Variants in DGKB observed in about 807,000 individuals in gnomAD.
The protein encoded by DGKB is 90 kDa diacylglycerol kinase.
A neutral mutation model predicts 114.3 loss-of-function variants in DGKB; 67 were observed. The observed-to-expected ratio is 0.59, with a 90% CI of 0.48 to 0.72. The LOEUF is 0.72. DGKB is among the 30% of genes least tolerant of loss of function. The probability of loss-of-function intolerance (pLI) is 0.00; values close to 1 mark genes in which losing one functional copy is unlikely to be tolerated. For synonymous variants in DGKB, 398 were observed against 323.1 expected (o/e 1.23, Z -2.49); for missense variants, 907 against 975.2 (o/e 0.93, Z 0.93).
intron 13 of DGKB, among the ~76,000 whole-genome samples, chr7:14,659,033 A>G (rs1190302959): frequency 6.6e-6 from 1 of 151,868 alleles, no homozygotes; most frequent in Non-Finnish European, 1.5e-5. Flanking sequence ...CAAGCCCCAC[A>G]TGCATTAGGT....
chr7:14,908,689 T>G (rs900432738), intron 1 of DGKB, among the ~76,000 whole-genome samples: 4 of 152,162 alleles, frequency 2.6e-5, no homozygotes, highest in Non-Finnish European at 5.9e-5. Context: ...CTTAGAGCTA[T>G]TTTTTATTAA....
At chr7:14,585,531 T>A (rs1278215882) in intron 17 of DGKB, among the ~76,000 whole-genome samples, 2 of 152,196 alleles carry the variant, frequency 1.3e-5, no homozygotes, top group African/African-American at 4.8e-5. Flanking sequence ...ACTGCTGTGT[T>A]AAATACCACT....
intron 2 of DGKB, among the ~76,000 whole-genome samples, chr7:14,807,078 G>A (rs1170762192): frequency 6.6e-6 from 1 of 151,950 alleles, no homozygotes; most frequent in African/African-American, 2.4e-5. Context: ...GAGAGATGAA[G>A]ACAAATTCCT....
chr7:14,280,916 A>G (rs1255730762), intron 23 of DGKB, among the ~76,000 whole-genome samples: 3,827 of 150,814 alleles, frequency 0.025, 171 homozygotes, highest in African/African-American at 0.09. Context: ...ATGCCAAAAT[A>G]GAAAGACCAT....
chr7:14,902,265 A>G lies in DGKB; in HGVS notation c.-188+327T>C, dbSNP rs140722819. ...TTTATGAATTACATTTTGAAAAGACAAGCTGCTATCTCATTGGTAACTTTC... is the reference window on the plus strand; with the variant it reads ...TTTATGAATTACATTTTGAAAAGACGAGCTGCTATCTCATTGGTAACTTTC... On this transcript the variant is annotated intron_variant, in intron 1 of 25. Transcript: ENST00000402815. Among the ~76,000 whole-genome samples the G allele has an allele frequency of 3.9e-5, 6 of 152,328 alleles. No homozygotes were observed. In the East Asian group the frequency reaches 1.2e-3, roughly 29 times the overall value.
At chr7:14,404,920 A>C (rs1823699381) in intron 21 of DGKB, among the ~76,000 whole-genome samples, 1 of 151,834 alleles carries the variant, frequency 6.6e-6, no homozygotes, top group Non-Finnish European at 1.5e-5. Flanking sequence ...GCTTCAGACC[A>C]GTGCTGTGTC....
At chr7:14,517,821 G>A (rs1265281957) in intron 20 of DGKB, among the ~76,000 whole-genome samples, 1 of 152,096 alleles carries the variant, frequency 6.6e-6, no homozygotes, top group East Asian at 1.9e-4. Flanking sequence ...ACAGATGCTG[G>A]CGAGGTTGTG....
At chr7:14,169,978 T>C (rs1256332261) in intron 25 of DGKB, among the ~76,000 whole-genome samples, 3 of 150,970 alleles carry the variant, frequency 2.0e-5, no homozygotes, top group Non-Finnish European at 4.4e-5. Context: ...CTACTAAAAA[T>C]ACAAAATTAG....
chr7:14,758,185 T>C (rs191439363), intron 2 of DGKB, among the ~76,000 whole-genome samples: 3 of 152,192 alleles, frequency 2.0e-5, no homozygotes, highest in East Asian at 1.9e-4. Context: ...TTTTGTTATG[T>C]ATAAATTAAA....
chr7:14,437,706 A>G (rs150236344), intron 21 of DGKB, among the ~76,000 whole-genome samples: 27 of 151,426 alleles, frequency 1.8e-4, no homozygotes, highest in African/African-American at 6.3e-4. Context: ...TTAAAAATAT[A>G]TTTTTTCAAC....
At position 14,223,214 on chromosome 7, in the gene DGKB, TA is replaced by T. The variant is rs1790271967; in HGVS notation, c.2123-45064del. Among the ~76,000 whole-genome samples the T allele has an allele frequency of 2.6e-5, 4 of 151,840 alleles. No homozygotes were observed. In the South Asian group the frequency reaches 8.3e-4, roughly 31 times the overall value. On this transcript the variant is annotated intron_variant, in intron 23 of 25. Transcript: ENST00000402815. ...AAGTCTGATGTCTTTGTTGTAAATCTATTGCTTTCTTTTGCATTTAGTATTT... is the reference window on the plus strand; with the variant it reads ...AAGTCTGATGTCTTTGTTGTAAATCTTTGCTTTCTTTTGCATTTAGTATTT...
chr7:14,845,048 A>C (rs1235962059), intron 1 of DGKB, among the ~76,000 whole-genome samples: 1 of 142,574 alleles, frequency 7.0e-6, no homozygotes, highest in Non-Finnish European at 1.5e-5. Context: ...TAGAGGTTGC[A>C]GTGGGCTTTG....
chr7:14,424,859 T>C (rs1334462546), intron 21 of DGKB, among the ~76,000 whole-genome samples: 1 of 152,094 alleles, frequency 6.6e-6, no homozygotes, highest in Non-Finnish European at 1.5e-5. Context: ...TTTACTCCCC[T>C]GCACCACACT....
chr7:14,346,307 T>C (rs989644193), intron 21 of DGKB, among the ~76,000 whole-genome samples: 1 of 151,946 alleles, frequency 6.6e-6, no homozygotes, highest in Non-Finnish European at 1.5e-5. Flanking sequence ...GAAAATGACA[T>C]TAAACCTAAT....
intron 6 of DGKB, among the ~76,000 whole-genome samples, chr7:14,706,933 A>C (rs1299269430): frequency 2.8e-5 from 4 of 143,426 alleles, no homozygotes; most frequent in East Asian, 2.1e-4. Context: ...AAACACATTC[A>C]AAAGCTAGCA....
rs1783756317 is a variant in DGKB at position 14,188,328 on chromosome 7, AT to A, written c.2123-10178del. Among the ~76,000 whole-genome samples, 2 of 152,152 alleles carry A rather than the reference AT, an allele frequency of 1.3e-5. 1 individual carries two copies. Among genetic ancestry groups the A allele is most frequent in the South Asian group, 4.1e-4 (2 of 4,832 alleles). ...AATAATAGCTGAAAAATTCCCAAGT[AT>A]TGGTAGAGTTATGAACATCCAGATT... is the stretch of plus-strand genomic sequence containing the variant. On this transcript the variant is annotated intron_variant, in intron 23 of 25. Transcript: ENST00000402815.
intron 23 of DGKB, among the ~76,000 whole-genome samples, chr7:14,223,687 A>AGTTT (rs368789361): frequency 8.6e-5 from 13 of 151,788 alleles, no homozygotes; most frequent in African/African-American, 3.1e-4. Flanking sequence ...AACGTGAGTG[A>AGTTT]GTTAGCAACA....
chr7:14,752,387 C>T (rs1834264020), intron 4 of DGKB, among the ~76,000 whole-genome samples: 1 of 152,078 alleles, frequency 6.6e-6, no homozygotes, highest in African/African-American at 2.4e-5. Context: ...TTAAAAGAAA[C>T]TACAATACAG....
chr7:14,267,639 C>G (rs1373828651), intron 23 of DGKB, among the ~76,000 whole-genome samples: 2 of 151,908 alleles, frequency 1.3e-5, no homozygotes, highest in African/African-American at 4.8e-5. Flanking sequence ...CAGGCATGTG[C>G]CACCATGCCC....
Sources: gnomAD v4.1 joint callset for allele counts (sites outside exome capture counted in the v4.1 genomes callset) on GRCh38, gnomAD v4.1.1 for gene constraint, MANE v1.5 for transcripts, NCBI Gene and HGNC (gene_info 2026-07-23, HGNC 2026-07-21) for gene names.